The following HMGN5 variants were observed in gnomAD, a reference collection of about 807,000 sequenced individuals.
HMGN5 encodes the protein high mobility group nucleosome binding domain 5.
In HMGN5, 4 loss-of-function variants were observed where a neutral mutation model predicts 9.5. That is an observed-to-expected ratio of 0.42 (90% confidence interval 0.21 to 0.96). HMGN5 has a LOEUF of 0.96. Ranked by LOEUF, HMGN5 falls within the 40% of genes least tolerant of loss-of-function variation. The probability of loss-of-function intolerance (pLI) is 0.30; values close to 1 mark genes in which losing one functional copy is unlikely to be tolerated. For missense variants in HMGN5, 192 were observed against 187.5 expected, an observed-to-expected ratio of 1.02 and a Z score of -0.14; for synonymous variants, 55 against 57.1, an observed-to-expected ratio of 0.96 and a Z score of 0.16.
At chrX:81,180,731 C>T (rs2075460318) in intron 1 of HMGN5, among the ~76,000 whole-genome samples, 1 of 111,687 alleles carries the variant, frequency 9.0e-6, no homozygotes, top group Non-Finnish European at 1.9e-5. Flanking sequence ...AACTATGCTA[C>T]TATAAAGACA....
chrX:81,173,649 T>C (rs2075433123), intron 1 of HMGN5, among the ~76,000 whole-genome samples: 1 of 112,318 alleles, frequency 8.9e-6, no homozygotes, highest in South Asian at 3.6e-4. Flanking sequence ...TTTATATATA[T>C]ACTATTTTCT....
At chrX:81,125,347 T>C (rs978720728) in intron 1 of HMGN5, among the ~76,000 whole-genome samples, 3 of 111,530 alleles carry the variant, frequency 2.7e-5, no homozygotes, top group African/African-American at 9.8e-5. Flanking sequence ...ATTTTTTTTG[T>C]TGGTATTTTC....
At chrX:81,180,203 G>A (rs1168790046) in intron 1 of HMGN5, among the ~76,000 whole-genome samples, 1 of 111,343 alleles carries the variant, frequency 9.0e-6, no homozygotes, top group African/African-American at 3.3e-5. Flanking sequence ...ATTGACAAAC[G>A]GGATCTAATT....
chrX:81,196,879 C>G (rs904026869), intron 1 of HMGN5, among the ~76,000 whole-genome samples: 2 of 111,250 alleles, frequency 1.8e-5, no homozygotes, highest in African/African-American at 6.6e-5. Flanking sequence ...CCCGTTGCTC[C>G]TCCCTCTTCT....
rs753036444 is a variant in HMGN5, at chrX:81,155,396, A to G, written c.-123-33724T>C. ...TGTAAAATGGCACAGCCACTCAGCA[A>G]TTGCCCTCTGGGTCATTTTTCCCTG... On this transcript the variant is annotated intron_variant, in intron 1 of 6. Coordinates refer to ENST00000358130, the MANE Select transcript of HMGN5 (RefSeq NM_030763.3). Among the ~76,000 whole-genome samples the G allele has an allele frequency of 3.4e-3, 373 of 108,466 alleles. 1 individual carries two copies. Among genetic ancestry groups the G allele is most frequent in the African/African-American group, 0.012 (356 of 29,943 alleles). The allele number at this position is 108,466 out of a possible 115,157, so 94.2% of individuals were successfully genotyped here.
chrX:81,121,029 C>A (rs766339241), intron 2 of HMGN5, among the ~76,000 whole-genome samples: 2 of 108,562 alleles, frequency 1.8e-5, no homozygotes, highest in African/African-American at 3.4e-5. Flanking sequence ...CATTGCATAG[C>A]CATCTGGCCT....
chrX:81,125,442 A>G (rs987310631), intron 1 of HMGN5, among the ~76,000 whole-genome samples: 1 of 111,341 alleles, frequency 9.0e-6, no homozygotes, highest in Non-Finnish European at 1.9e-5. Flanking sequence ...TGATATCAGA[A>G]ATTTATTTGA....
chrX:81,166,744 G>A (rs920085137), intron 1 of HMGN5, among the ~76,000 whole-genome samples: 2 of 111,273 alleles, frequency 1.8e-5, no homozygotes, highest in African/African-American at 6.5e-5. Context: ...ATTTGAAAAT[G>A]CCTATAGAAA....
intron 1 of HMGN5, among the ~76,000 whole-genome samples, chrX:81,163,016 T>C (rs1467780316): frequency 9.0e-6 from 1 of 111,674 alleles, no homozygotes; most frequent in African/African-American, 3.3e-5. Context: ...TGAGTGTAAT[T>C]GTGACTTGGT....
chrX:81,178,773 C>T (rs1203445762), intron 1 of HMGN5, among the ~76,000 whole-genome samples: 1 of 111,494 alleles, frequency 9.0e-6, no homozygotes, highest in Non-Finnish European at 1.9e-5. Flanking sequence ...GACCAACATC[C>T]CTAATGAATA....
chrX:81,130,606 ATTATGC>A (rs1245121182), intron 1 of HMGN5, among the ~76,000 whole-genome samples: 1 of 111,252 alleles, frequency 9.0e-6, no homozygotes, highest in East Asian at 2.8e-4. Context: ...TAGAGAATTA[ATTATGC>A]TTGGTTTCCT....
chrX:81,190,158 A>T (rs1041931895), intron 1 of HMGN5, among the ~76,000 whole-genome samples: 2 of 111,251 alleles, frequency 1.8e-5, no homozygotes, highest in Non-Finnish European at 3.8e-5. Context: ...TATTTTGTAT[A>T]TTTTGTTATT....
At chrX:81,121,500 A>C in intron 2 of HMGN5, 35 bp downstream of exon 2, 1 of 1,179,407 alleles carries the variant, frequency 8.5e-7, no homozygotes, top group Non-Finnish European at 1.2e-6. Context: ...GTAACTCAGC[A>C]GCTCATTCCC....
intron 1 of HMGN5, among the ~76,000 whole-genome samples, chrX:81,140,505 A>C (rs2075325474): frequency 1.0e-5 from 1 of 95,791 alleles, no homozygotes; most frequent in African/African-American, 3.9e-5. Context: ...GCTTGCAGTG[A>C]GGCGAGATCG....
intron 1 of HMGN5, among the ~76,000 whole-genome samples, chrX:81,163,662 T>TCTACCTTC (rs1430263812): frequency 8.9e-6 from 1 of 112,044 alleles, no homozygotes; most frequent in Non-Finnish European, 1.9e-5. Context: ...CTTCAACCTT[T>TCTACCTTC]CTACCTTCCT....
chrX:81,155,412 T>C (rs1243603450), intron 1 of HMGN5, among the ~76,000 whole-genome samples: 3 of 109,091 alleles, frequency 2.8e-5, no homozygotes, highest in Non-Finnish European at 5.7e-5. Context: ...CTCTGGGTCA[T>C]TTTTCCCTGG....
chrX:81,178,384 A>G (rs2075449605), intron 1 of HMGN5, among the ~76,000 whole-genome samples: 1 of 111,788 alleles, frequency 8.9e-6, no homozygotes, highest in African/African-American at 3.3e-5. Flanking sequence ...GGATATCACC[A>G]CCGATCCCAC....
intron 1 of HMGN5, among the ~76,000 whole-genome samples, chrX:81,191,241 C>T (rs937329898): frequency 1.9e-4 from 21 of 110,518 alleles, no homozygotes; most frequent in Non-Finnish European, 4.0e-4. Flanking sequence ...AAATTTATTC[C>T]CTTCCAAAAA....
chrX:81,122,319 G>A (rs1028334767), intron 1 of HMGN5, among the ~76,000 whole-genome samples: 7 of 111,966 alleles, frequency 6.3e-5, no homozygotes, highest in African/African-American at 2.3e-4. Context: ...AGAATTCAGC[G>A]GGACTCCGAG....
Sources: gnomAD v4.1 joint callset for allele counts (sites outside exome capture counted in the v4.1 genomes callset) on GRCh38, gnomAD v4.1.1 for gene constraint, MANE v1.5 for transcripts, NCBI Gene and HGNC (gene_info 2026-07-23, HGNC 2026-07-21) for gene names.